Variants in ITPA observed in about 807,000 individuals in gnomAD.
ITPA encodes the protein inosine triphosphate pyrophosphatase.
Under a neutral mutation model 29.6 loss-of-function variants are expected in ITPA, and 29 were observed. The ratio of observed to expected loss-of-function variants is 0.98; its 90% CI spans 0.73 to 1.34. ITPA has a LOEUF of 1.34. Ranked by LOEUF, ITPA falls within the 40% of genes most tolerant of loss-of-function variation. The pLI is 0.00. For synonymous variants in ITPA, 103 were observed against 99.3 expected (o/e 1.04, Z -0.22); for missense variants, 241 against 251.5 (o/e 0.96, Z 0.28).
rs368007109 is a variant in ITPA at position 3,223,353 on chromosome 20, T to C, written c.489-13T>C. On this transcript the variant is annotated splice_polypyrimidine_tract_variant and intron_variant, in intron 7 of 7. Coordinates refer to ENST00000380113, the MANE Select transcript of ITPA (RefSeq NM_033453.4). ...GAATCTGGGCTCCCTGAGCTGCTAC[T>C]GTCACCCCTCAGGTACGCAGAGATG... is the stretch of plus-strand genomic sequence containing the variant. 1.4e-5 allele frequency: 22 copies of C among 1,604,726 alleles called. No individual in the cohort carries two copies. Among genetic ancestry groups the C allele is most frequent in the Non-Finnish European group, 1.8e-5 (21 of 1,172,302 alleles).
downstream of ITPA, among the ~76,000 whole-genome samples, chr20:3,225,587 C>A (rs548296749): frequency 2.6e-5 from 4 of 152,284 alleles, no homozygotes; most frequent in Admixed American, 1.3e-4. Context: ...CCCCTTCCCC[C>A]ACACCTCGCC....
At chr20:3,218,365 C>G (rs894766323) in intron 5 of ITPA, 152 bp from the exon 6 acceptor site, 5 of 691,124 alleles carry the variant, frequency 7.2e-6, no homozygotes, top group African/African-American at 7.0e-5. Flanking sequence ...CCTAGTCCCA[C>G]TGCCTTGGGC....
Position 3,215,253 on chromosome 20 carries a change from G to A in ITPA, c.264-28G>A, listed in dbSNP as rs750033690. ...GTAAGAAGATCCAGCTGCTCCTGGT[G>A]TCTGACTGTCCTTTCTTTCTCTTGC... On this transcript the variant is annotated intron_variant, in intron 4 of 7. Transcript: ENST00000380113. 5 of 1,612,588 alleles carry A rather than the reference G, an allele frequency of 3.1e-6. No individual in the cohort carries two copies. In the East Asian group the frequency reaches 1.1e-4, roughly 36 times the overall value.
chr20:3,211,840 C>T (rs768958451), intron 1 of ITPA, among the ~76,000 whole-genome samples: 2 of 152,108 alleles, frequency 1.3e-5, no homozygotes, highest in African/African-American at 2.4e-5. Context: ...CTGAGGAAAC[C>T]TATGGAATCT....
intron 1 of ITPA, among the ~76,000 whole-genome samples, chr20:3,212,122 G>A (rs1383576563): frequency 1.3e-5 from 2 of 151,912 alleles, no homozygotes; most frequent in African/African-American, 2.4e-5. Flanking sequence ...AGTGAGCTGT[G>A]TTTGTGCCAC....
intron 5 of ITPA, among the ~76,000 whole-genome samples, chr20:3,216,535 C>T (rs1006739087): frequency 6.0e-5 from 9 of 150,508 alleles, no homozygotes; most frequent in Non-Finnish European, 1.2e-4. Context: ...CTCACTACAA[C>T]CTCCGCCTCC....
intron 1 of ITPA, among the ~76,000 whole-genome samples, chr20:3,212,610 A>G (rs1297352089): frequency 6.6e-6 from 1 of 152,134 alleles, no homozygotes; most frequent in African/African-American, 2.4e-5. Flanking sequence ...CGTGAGCCAC[A>G]GGACCCAGCC....
chr20:3,218,072 C>T (rs1211169030), intron 5 of ITPA, among the ~76,000 whole-genome samples: 2 of 152,120 alleles, frequency 1.3e-5, no homozygotes, highest in Non-Finnish European at 2.9e-5. Flanking sequence ...CATCAGCCAC[C>T]ACGCCCGGCT....
intron 3 of ITPA, among the ~76,000 whole-genome samples, chr20:3,213,667 C>T (rs887710668): frequency 4.6e-5 from 7 of 152,172 alleles, no homozygotes; most frequent in African/African-American, 1.7e-4. Flanking sequence ...ATCCTCCCCA[C>T]ACACATCCAC....
downstream of ITPA, among the ~76,000 whole-genome samples, chr20:3,226,110 G>T (rs933481175): frequency 2.6e-5 from 4 of 152,170 alleles, no homozygotes; most frequent in African/African-American, 7.2e-5. The surrounding 1 kb of genome is among the most constrained non-coding windows in gnomAD (Gnocchi z 4.4). Flanking sequence ...CCTAAAAGAG[G>T]AGTCGTGGGA....
At chr20:3,215,377 A>G in intron 5 of ITPA, 65 bp downstream of exon 5, 1 of 1,479,504 alleles carries the variant, frequency 6.8e-7, no homozygotes, top group Non-Finnish European at 9.4e-7. Context: ...TGTCTAGGGG[A>G]GGGACCCCAA....
chr20:3,204,727 G>T, upstream of ITPA: 1 of 1,186,108 alleles, frequency 8.4e-7, no homozygotes, highest in Non-Finnish European at 1.2e-6. Context: ...ACTACTCGGA[G>T]CCCCGCCCAG....
Position 3,213,169 on chromosome 20 carries a change from G to A in ITPA, c.67G>A (p.Val23Ile), listed in dbSNP as rs983098781. The A allele has an allele frequency of 4.3e-6, 7 of 1,613,870 alleles. No homozygotes were observed. The highest frequency in any genetic ancestry group is 5.9e-6 in the Non-Finnish European group (7 of 1,179,728). Residue 23 changes from valine to isoleucine, a missense_variant and splice_region_variant, in exon 2 of 8, where the codon GTC becomes ATC. Coordinates refer to ENST00000380113, the MANE Select transcript of ITPA (RefSeq NM_033453.4). ...VTGNAKKLEE[V>I]VQILGDKFPC... ...AGTGTTCTCTTTTCTCTTGGAACAG[G>A]TCGTTCAGATTCTAGGAGATAAGTT... is the stretch of plus-strand genomic sequence containing the variant.
intron 5 of ITPA, among the ~76,000 whole-genome samples, chr20:3,216,457 CT>C (rs550453496): frequency 0.19 from 24,020 of 125,166 alleles, 1,991 homozygotes; most frequent in African/African-American, 0.23. Context: ...CATGCCTGGC[CT>C]TTTTTTTTTT....
intron 1 of ITPA, among the ~76,000 whole-genome samples, chr20:3,212,154 G>C (rs2067189387): frequency 6.6e-6 from 1 of 151,718 alleles, no homozygotes; most frequent in Admixed American, 6.6e-5. Context: ...CTGGGTGACA[G>C]AGAGAGAGAC....
upstream of ITPA, chr20:3,209,466 C>T: frequency 1.6e-6 from 2 of 1,261,196 alleles, no homozygotes; most frequent in South Asian, 2.5e-5. This position sits in a 1 kb window ranked among gnomAD's most constrained non-coding sequence, Gnocchi z 4.6. Flanking sequence ...GAAACTGAGC[C>T]GTTCACTTCC....
chr20:3,218,009 C>G (rs977965038), intron 5 of ITPA, among the ~76,000 whole-genome samples: 1 of 152,078 alleles, frequency 6.6e-6, no homozygotes, highest in South Asian at 2.1e-4. Flanking sequence ...GCTCCGCCTC[C>G]CTTGTTCACA....
chr20:3,223,310 G>T (rs568818589), intron 7 of ITPA, 56 bp from the exon 8 acceptor site: 2 of 1,301,022 alleles, frequency 1.5e-6, no homozygotes, highest in South Asian at 1.2e-5. Flanking sequence ...GGGTTGGGAG[G>T]GGGTGCACTT....
chr20:3,204,220 A>G (rs2067055153), upstream of ITPA, among the ~76,000 whole-genome samples: 1 of 152,186 alleles, frequency 6.6e-6, no homozygotes, highest in Non-Finnish European at 1.5e-5. Context: ...GTGCAGAGGG[A>G]AAGGGCCCCG....
Sources: allele counts gnomAD v4.1 joint callset (sites outside exome capture counted in the v4.1 genomes callset), GRCh38; gene constraint gnomAD v4.1.1; non-coding constraint Gnocchi (gnomAD v3.1); transcripts MANE v1.5; gene names NCBI Gene and HGNC (gene_info 2026-07-23, HGNC 2026-07-21).